The following ATP8B2 variants were observed in gnomAD, a reference collection of about 807,000 sequenced individuals.
The protein encoded by ATP8B2 is ATPase phospholipid transporting 8B2, also known as phospholipid-transporting ATPase ID.
Under a neutral mutation model 133.4 loss-of-function variants are expected in ATP8B2, and 70 were observed. The ratio of observed to expected loss-of-function variants is 0.52; its 90% CI spans 0.43 to 0.64. The LOEUF (loss-of-function observed/expected upper bound fraction) is 0.64. Among genes scored for constraint, ATP8B2 ranks in the 30% least tolerant of loss-of-function variants. ATP8B2 has a pLI of 0.00. For synonymous variants in ATP8B2, 517 were observed against 589.5 expected, an observed-to-expected ratio of 0.88 and a Z score of 1.78; for missense variants, 1,101 against 1,535.7, an observed-to-expected ratio of 0.72 and a Z score of 4.73.
At chr1:154,348,073 AG>A (rs1190884585) in intron 26 of ATP8B2, among the ~76,000 whole-genome samples, 2 of 152,190 alleles carry the variant, frequency 1.3e-5, no homozygotes, top group Non-Finnish European at 2.9e-5. Context: ...GATCCATTGC[AG>A]GGTTTTTAGT....
At position 154,326,863 on chromosome 1, in the gene ATP8B2, C is replaced by T. The variant is rs537372845; in HGVS notation, c.-38+1161C>T. Among the ~76,000 whole-genome samples the T allele has an allele frequency of 5.9e-5, 9 of 152,340 alleles. No homozygotes were observed. The East Asian group carries it at 1.4e-3, about 23-fold the overall frequency. ...CCTCTCCCTGTGCTCCCCACCCTCC[C>T]GTGACTCATACTCAGACTGGGTGGA... On this transcript the variant is annotated intron_variant, in intron 1 of 27. Transcript: ENST00000368489.
Position 154,334,714 on chromosome 1 carries a change from C to T in ATP8B2, c.837+123C>T, listed in dbSNP as rs993156700. 1 of 733,754 alleles carries T rather than the reference C, an allele frequency of 1.4e-6. No individual in the cohort carries two copies. The highest frequency in any genetic ancestry group is 2.2e-6 in the Non-Finnish European group (1 of 445,632). The allele number at this position is 733,754 out of a possible 1,614,324, so 45.5% of individuals were successfully genotyped here. ...TTTGGCTTTAAAGCTGCTAGCAGGT[C>T]AGCTACACAAAGGCAGTGTTTATTT... On this transcript the variant is annotated intron_variant, in intron 11 of 27. Transcript: ENST00000368489. This position sits in a 1 kb window ranked among gnomAD's most constrained non-coding sequence, Gnocchi z 4.6.
chr1:154,347,715 C>T (rs148299382), intron 26 of ATP8B2, among the ~76,000 whole-genome samples: 11,588 of 152,024 alleles, frequency 0.076, 572 homozygotes, highest in Non-Finnish European at 0.11. Context: ...CCGAGGTAGG[C>T]GGATTACCTG....
chr1:154,332,113 C>G, intron 8 of ATP8B2, 89 bp downstream of exon 8: 3 of 1,412,392 alleles, frequency 2.1e-6, no homozygotes, highest in South Asian at 2.4e-5. Context: ...GGCCTGGGCT[C>G]TGTCTGAATT....
chr1:154,342,794 A>G lies in ATP8B2; in HGVS notation c.1288-2A>G. On this transcript the variant is annotated splice_acceptor_variant, in intron 14 of 27. Coordinates refer to ENST00000368489, the MANE Select transcript of ATP8B2 (RefSeq NM_001370597.1). LOFTEE classifies it high-confidence loss of function. ...TCCTAAGAGCCTTCTTATGTGTTTC[A>G]GAGGCCTGAACCTGTTGACTTCTCC... is the stretch of plus-strand genomic sequence containing the variant. 1.9e-6 allele frequency: 3 copies of G among 1,613,958 alleles called. No individual in the cohort carries two copies. Among genetic ancestry groups the G allele is most frequent in the Non-Finnish European group, 2.5e-6 (3 of 1,179,932 alleles).
intron 12 of ATP8B2, among the ~76,000 whole-genome samples, chr1:154,338,057 A>T (rs1686251871): frequency 6.6e-6 from 1 of 152,216 alleles, no homozygotes; most frequent in Non-Finnish European, 1.5e-5. Context: ...TCAGACTGAG[A>T]TACCATGTGG....
In ATP8B2 at chr1:154,344,297, C is replaced by A. The variant is rs1349053316; in HGVS notation, c.2035+43C>A. The A allele has an allele frequency of 7.4e-6, 12 of 1,614,126 alleles. No individual in the cohort carries two copies. Among genetic ancestry groups the A allele is most frequent in the Non-Finnish European group, 1.0e-5 (12 of 1,179,976 alleles). On this transcript the variant is annotated intron_variant, in intron 19 of 27. Transcript: ENST00000368489. The surrounding 1 kb of genome is among the most constrained non-coding windows in gnomAD (Gnocchi z 4.1). ...CAGAGCCAGTTGCAACTGACAGTAG[C>A]CCTGTTGGACCCTTGCATGGAGCCG...
Position 154,348,483 on chromosome 1 carries a change from C to T in ATP8B2, c.3239C>T (p.Pro1080Leu), listed in dbSNP as rs370515010. Residue 1080 changes from proline (P) to leucine (L), a missense_variant, in exon 27 of 28, where the codon CCC becomes CTC. Coordinates refer to ENST00000368489, the MANE Select transcript of ATP8B2 (RefSeq NM_001370597.1). ...CTCACCACAGTCGTCTGCATCATGC[C>T]CGTGGTTGCCTTCCGATTCCTCAGG... ...IVLTTVVCIMPVVAFRFLRLN... is the reference protein window; with the variant it reads ...IVLTTVVCIMLVVAFRFLRLN... The T allele has an allele frequency of 6.2e-7, 1 of 1,614,020 alleles. No individual in the cohort carries two copies. Among genetic ancestry groups the T allele is most frequent in the Non-Finnish European group, 8.5e-7 (1 of 1,180,016 alleles).
Position 154,342,494 on chromosome 1 carries a change from G to A in ATP8B2, c.1258G>A (p.Val420Ile), listed in dbSNP as rs201587979. 2.1e-4 allele frequency: 333 copies of A among 1,613,880 alleles called. 2 individuals are homozygous for A. The South Asian group carries it at 3.4e-3, about 16-fold the overall frequency. The change falls in exon 14 of 28, where the codon GTC (valine) becomes ATC (isoleucine). Residue 420 changes from valine to isoleucine, a missense_variant. Transcript: ENST00000368489. ...NGHSYGDVFD[V>I]LGHKAELGER... ...GCTGTATGTAGGTGATGTGTTTGAC[G>A]TCCTGGGACACAAAGCTGAATTGGG...
At position 154,343,951 on chromosome 1, in the gene ATP8B2, A is replaced by G; in HGVS notation, c.1817A>G (p.Glu606Gly). The change falls in exon 18 of 28, where the codon GAG (glutamate) becomes GGG (glycine). Residue 606 changes from glutamate (E) to glycine (G), a missense_variant. By Grantham distance (98) the Glu-to-Gly change is moderately conservative. Transcript: ENST00000368489. The surrounding 1 kb of genome is among the most constrained non-coding windows in gnomAD (Gnocchi z 5.8). ...LVLAYKDLDE[E>G]YYEEWAERRL... ...CTGGCCTACAAGGATCTGGATGAAG[A>G]GTACTACGAGGAGTGGGCTGAGCGA... The G allele has an allele frequency of 6.2e-7, 1 of 1,614,014 alleles. No individual in the cohort carries two copies. The highest frequency in any genetic ancestry group is 8.5e-7 in the Non-Finnish European group (1 of 1,179,962).
chr1:154,341,481 G>A (rs775996364), intron 13 of ATP8B2: 7 of 269,382 alleles, frequency 2.6e-5, no homozygotes, highest in Admixed American at 1.0e-4. Flanking sequence ...GACAGAATGA[G>A]GCCCTGTCTC....
chr1:154,330,596 C>A, intron 3 of ATP8B2, 142 bp downstream of exon 3: 1 of 889,270 alleles, frequency 1.1e-6, no homozygotes, highest in Non-Finnish European at 1.8e-6. Flanking sequence ...TCTCCATCTG[C>A]TATCGTGCTG....
chr1:154,347,553 A>G (rs1686626035), intron 26 of ATP8B2, among the ~76,000 whole-genome samples: 1 of 152,118 alleles, frequency 6.6e-6, no homozygotes. Flanking sequence ...AAGGGTGGAA[A>G]TGGGAGACTA....
intron 8 of ATP8B2, 87 bp from the exon 9 acceptor site, chr1:154,332,531 C>A: frequency 9.3e-7 from 1 of 1,077,156 alleles, no homozygotes; most frequent in Non-Finnish European, 1.4e-6. Flanking sequence ...GCACTCCAGC[C>A]TGAGCAGCAG....
At position 154,351,268 on chromosome 1, in the gene ATP8B2, A is replaced by C. The variant is rs1375496152; in HGVS notation, c.*2150A>C. On this transcript the variant is annotated 3_prime_UTR_variant, in exon 28 of 28. Transcript: ENST00000368489. ...AAAATTATATCATTTTATGGATATA[A>C]GAGAAAAATGCCTTTTTATAAAATT... The C allele has an allele frequency of 6.6e-6, 1 of 152,566 alleles. No homozygotes were observed. The highest frequency in any genetic ancestry group is 2.4e-5 in the African/African-American group (1 of 41,422). 9.5% of individuals were successfully genotyped at this position (152,566 alleles called of 1,614,324 possible).
Position 154,331,734 on chromosome 1 carries a change from A to C in ATP8B2, c.438+56A>C. The C allele has an allele frequency of 2.6e-6, 4 of 1,546,154 alleles. No individual in the cohort carries two copies. ...AGGTTCTTCCTCTTCTTTGTGAGAA[A>C]AGGATGAATCTTTCCTGATTTACTG... On this transcript the variant is annotated intron_variant, in intron 7 of 27. Coordinates refer to ENST00000368489, the MANE Select transcript of ATP8B2 (RefSeq NM_001370597.1). This position sits in a 1 kb window ranked among gnomAD's most constrained non-coding sequence, Gnocchi z 4.8.
Position 154,343,432 on chromosome 1 carries a change from C to A in ATP8B2, c.1643-21C>A. 1 of 1,612,730 alleles carries A rather than the reference C, an allele frequency of 6.2e-7. No individual in the cohort carries two copies. The highest frequency in any genetic ancestry group is 8.5e-7 in the Non-Finnish European group (1 of 1,178,956). On this transcript the variant is annotated intron_variant, in intron 16 of 27. Transcript: ENST00000368489. This position sits in a 1 kb window ranked among gnomAD's most constrained non-coding sequence, Gnocchi z 5.8. ...CCTGTCTGAATTTTTCTGGCACTTT[C>A]TTCACCTGCCCCATTCATAGTGCGG... is the stretch of plus-strand genomic sequence containing the variant.
At position 154,332,685 on chromosome 1, in the gene ATP8B2, G is replaced by C; in HGVS notation, c.577G>C (p.Ala193Pro). 1 of 1,577,552 alleles carries C rather than the reference G, an allele frequency of 6.3e-7. No individual in the cohort carries two copies. The change falls in exon 9 of 28, where the codon GCC becomes CCC. Residue 193 changes from alanine (A) to proline (P), a missense_variant. By Grantham distance (27) the Ala-to-Pro change is conservative (BLOSUM62 -1). Coordinates refer to ENST00000368489, the MANE Select transcript of ATP8B2 (RefSeq NM_001370597.1). Reference protein sequence around the residue: ...TSELGDISKLAKFDGEVICEP... With the variant: ...TSELGDISKLPKFDGEVICEP... The stretch of plus-strand genomic sequence containing the variant: ...AGAATTGGGAGACATCAGTAAGCTT[G>C]CCAAGTTTGACGGTGAGTAATTTTG...
chr1:154,328,711 C>G lies in ATP8B2; in HGVS notation c.31+539C>G. ...AGTCGGGGAGCGGGCGGGGGCGGAA[C>G]CCTGGGCGTGCTCGGCGTGTCCGGG... On this transcript the variant is annotated intron_variant, in intron 2 of 27. Coordinates refer to ENST00000368489, the MANE Select transcript of ATP8B2 (RefSeq NM_001370597.1). The surrounding 1 kb of genome is among the most constrained non-coding windows in gnomAD (Gnocchi z 4.6). 1 of 864,098 alleles carries G rather than the reference C, an allele frequency of 1.2e-6. No homozygotes were observed. The highest frequency in any genetic ancestry group is 5.2e-5 in the South Asian group (1 of 19,334). 53.5% of individuals were successfully genotyped at this position (864,098 alleles called of 1,614,324 possible).
Sources: allele counts gnomAD v4.1 joint callset (sites outside exome capture counted in the v4.1 genomes callset), GRCh38; gene constraint gnomAD v4.1.1; non-coding constraint Gnocchi (gnomAD v3.1); transcripts MANE v1.5; gene names NCBI Gene and HGNC (gene_info 2026-07-23, HGNC 2026-07-21).